The following ZNF234 variants were observed in gnomAD, a reference collection of about 807,000 sequenced individuals.
ZNF234 encodes zinc finger protein 234.
Under a neutral mutation model 10.3 loss-of-function variants are expected in ZNF234, and 4 were observed. The observed-to-expected ratio is 0.39, with a 90% CI of 0.19 to 0.89. The LOEUF (loss-of-function observed/expected upper bound fraction) is 0.89. Among genes scored for constraint, ZNF234 ranks in the 40% least tolerant of loss-of-function variants. The probability of loss-of-function intolerance (pLI) is 0.38; values close to 1 mark genes in which losing one functional copy is unlikely to be tolerated. For missense variants in ZNF234, 711 were observed against 836.1 expected, an observed-to-expected ratio of 0.85 and a Z score of 1.85; for synonymous variants, 258 against 280.1, an observed-to-expected ratio of 0.92 and a Z score of 0.79.
intron 3 of ZNF234, among the ~76,000 whole-genome samples, chr19:44,145,704 C>T (rs1442529583): frequency 6.6e-6 from 1 of 152,208 alleles, no homozygotes; most frequent in Non-Finnish European, 1.5e-5. Flanking sequence ...AGATAGAATA[C>T]TCTAACATGG....
Position 44,145,640 on chromosome 19 carries a change from C to T in ZNF234, c.15+993C>T, listed in dbSNP as rs138290432. Among the ~76,000 whole-genome samples, 594 of 152,330 alleles carry T rather than the reference C, an allele frequency of 3.9e-3. 2 individuals are homozygous for T. The highest frequency in any genetic ancestry group is 0.012 in the Admixed American group (187 of 15,304). On this transcript the variant is annotated intron_variant, in intron 3 of 5. Transcript: ENST00000426739. The stretch of plus-strand genomic sequence containing the variant: ...CTCCTAACCTCAGATGATCCACCTG[C>T]CTTGGCCTCCCAAAGTGCCGGGATT...
At chr19:44,142,703 A>G (rs573661956) in intron 2 of ZNF234, among the ~76,000 whole-genome samples, 1 of 152,322 alleles carries the variant, frequency 6.6e-6, no homozygotes, top group Non-Finnish European at 1.5e-5. Context: ...AGCAAGGCTA[A>G]TTGCCTTGGA....
rs772690261 is a variant in ZNF234, at chr19:44,157,890, A to C, written c.1874A>C (p.Lys625Thr). The C allele has an allele frequency of 3.1e-6, 5 of 1,613,998 alleles. No homozygotes were observed. The change falls in exon 6 of 6, where the codon AAA becomes ACA. Residue 625 changes from lysine to threonine, a missense_variant. Lys to Thr is a moderately conservative substitution (Grantham distance 78). Coordinates refer to ENST00000426739, the MANE Select transcript of ZNF234 (RefSeq NM_006630.3). ...QSVHTGEKPY[K>T]CDVCGKVFSR... is the part of the protein sequence containing the mutation. Reference sequence around the variant, plus strand: ...GTCCACACAGGAGAGAAACCATACAAATGTGATGTATGTGGTAAAGTCTTC... The same window carrying C: ...GTCCACACAGGAGAGAAACCATACACATGTGATGTATGTGGTAAAGTCTTC...
chr19:44,149,007 C>T, intron 4 of ZNF234, 110 bp downstream of exon 4: 1 of 1,307,562 alleles, frequency 7.6e-7, no homozygotes, highest in Non-Finnish European at 1.0e-6. Flanking sequence ...ATTTGTAGAC[C>T]TGACTTTCCT....
In ZNF234 at chr19:44,157,009, T is replaced by G; in HGVS notation, c.993T>G (p.Leu331=). ...AGTGTTTCACTTGTAGCTCAAACCT[T>G]CGTATCCATCAAAGGGTCCACACAG... is the stretch of plus-strand genomic sequence containing the variant. ...CGKCFTCSSN[L]RIHQRVHTGE... is the part of the protein sequence containing the mutation. The change falls in exon 6 of 6, where the codon CTT becomes CTG. Residue 331 remains leucine (L), a synonymous_variant. Transcript: ENST00000426739. The G allele has an allele frequency of 1.2e-6, 2 of 1,614,014 alleles. No individual in the cohort carries two copies. Among genetic ancestry groups the G allele is most frequent in the Non-Finnish European group, 1.7e-6 (2 of 1,179,946 alleles).
At position 44,157,786 on chromosome 19, in the gene ZNF234, C is replaced by G; in HGVS notation, c.1770C>G (p.His590Gln). The change falls in exon 6 of 6, where the codon CAC becomes CAG. Residue 590 changes from histidine to glutamine, a missense_variant. Transcript: ENST00000426739. ...SLNLDMHQRV[H>Q]TGEKPYTCGE... is the part of the protein sequence containing the mutation. ...ACCTTGACATGCATCAGAGGGTGCA[C>G]ACAGGAGAAAAACCCTATACATGTG... is the stretch of plus-strand genomic sequence containing the variant. 2 of 1,613,846 alleles carry G rather than the reference C, an allele frequency of 1.2e-6. No individual in the cohort carries two copies. Among genetic ancestry groups the G allele is most frequent in the Non-Finnish European group, 1.7e-6 (2 of 1,179,882 alleles).
At chr19:44,153,010 AG>A (rs1196915374) in intron 5 of ZNF234, among the ~76,000 whole-genome samples, 3 of 152,098 alleles carry the variant, frequency 2.0e-5, no homozygotes, top group Non-Finnish European at 4.4e-5. Context: ...ATTTTTATAA[AG>A]ACCTGGCTTT....
chr19:44,155,816 G>T (rs1968865294), intron 5 of ZNF234, among the ~76,000 whole-genome samples: 1 of 151,772 alleles, frequency 6.6e-6, no homozygotes, highest in African/African-American at 2.4e-5. Context: ...GCCCAGACTG[G>T]TCTCAAACCC....
intron 5 of ZNF234, among the ~76,000 whole-genome samples, chr19:44,155,299 A>G (rs1358222887): frequency 1.3e-5 from 2 of 152,030 alleles, no homozygotes; most frequent in Non-Finnish European, 2.9e-5. Flanking sequence ...AGGGACACCA[A>G]CTCCCCTCAC....
Position 44,156,406 on chromosome 19 carries a change from G to A in ZNF234, c.390G>A (p.Leu130=). The part of the protein sequence containing the change: ...SISRFPRQGD[L]SCQVRAGLYT... ...CTCGGTTCCCCAGACAAGGTGATTT[G>A]TCCTGCCAGGTTAGGGCAGGACTAT... Residue 130 remains leucine, a synonymous_variant, in exon 6 of 6, where the codon TTG becomes TTA. Transcript: ENST00000426739. 6.2e-7 allele frequency: 1 copy of A among 1,613,598 alleles called. No homozygotes were observed. Among genetic ancestry groups the A allele is most frequent in the Non-Finnish European group, 8.5e-7 (1 of 1,179,752 alleles).
At chr19:44,148,147 A>G (rs1298567367) in intron 3 of ZNF234, among the ~76,000 whole-genome samples, 1 of 152,218 alleles carries the variant, frequency 6.6e-6, no homozygotes, top group Admixed American at 6.5e-5. Context: ...CTGTCATGTA[A>G]GAACTATCAT....
rs376111272 is a variant in ZNF234, at chr19:44,158,132, A to C, written c.*13A>C. On this transcript the variant is annotated 3_prime_UTR_variant, in exon 6 of 6. Coordinates refer to ENST00000426739, the MANE Select transcript of ZNF234 (RefSeq NM_006630.3). The stretch of plus-strand genomic sequence containing the variant: ...TTCTACAAGGTGATTAAAAAAAAAA[A>C]AACAGAACTCATGTACAACCTGAAT... The C allele has an allele frequency of 8.8e-6, 14 of 1,585,528 alleles. No homozygotes were observed. Among genetic ancestry groups the C allele is most frequent in the Non-Finnish European group, 1.2e-5 (14 of 1,173,282 alleles).
intron 3 of ZNF234, among the ~76,000 whole-genome samples, chr19:44,144,931 A>G (rs1213409683): frequency 6.6e-6 from 1 of 152,220 alleles, no homozygotes; most frequent in Non-Finnish European, 1.5e-5. Context: ...CTGACCATAC[A>G]TATTTTCCTT....
rs1174447311 is a variant in ZNF234 at position 44,158,034 on chromosome 19, T to G, written c.2018T>G (p.Ile673Ser). ...WRSNLVSHHKIHAAGTFYEND... is the reference protein window; with the variant it reads ...WRSNLVSHHKSHAAGTFYEND... ...TCAAATCTTGTAAGTCATCACAAAATTCATGCTGCTGGTACATTTTATGAA... is the reference window on the plus strand; with the variant it reads ...TCAAATCTTGTAAGTCATCACAAAAGTCATGCTGCTGGTACATTTTATGAA... Residue 673 changes from isoleucine to serine, a missense_variant, in exon 6 of 6, where the codon ATT becomes AGT. By Grantham distance (142) the Ile-to-Ser change is moderately radical. Transcript: ENST00000426739. The G allele has an allele frequency of 6.2e-7, 1 of 1,613,812 alleles. No homozygotes were observed. Among genetic ancestry groups the G allele is most frequent in the South Asian group, 1.1e-5 (1 of 91,066 alleles).
chr19:44,154,314 T>C (rs1472030414), intron 5 of ZNF234, among the ~76,000 whole-genome samples: 1 of 152,174 alleles, frequency 6.6e-6, no homozygotes, highest in African/African-American at 2.4e-5. Flanking sequence ...TTTTCACTTT[T>C]TTTTTTTTCT....
chr19:44,154,669 G>A (rs1262876864), intron 5 of ZNF234, among the ~76,000 whole-genome samples: 2 of 124,386 alleles, frequency 1.6e-5, no homozygotes, highest in African/African-American at 6.1e-5. Flanking sequence ...GTCTCACTGT[G>A]TCCCTCAGGC....
At chr19:44,143,622 A>C (rs1240007757) in intron 2 of ZNF234, among the ~76,000 whole-genome samples, 1 of 150,620 alleles carries the variant, frequency 6.6e-6, no homozygotes, top group Admixed American at 6.6e-5. Flanking sequence ...AAAAGAAAAA[A>C]AAAAAAAAAA....
At chr19:44,146,126 G>A (rs149414433) in intron 3 of ZNF234, among the ~76,000 whole-genome samples, 25 of 152,284 alleles carry the variant, frequency 1.6e-4, no homozygotes, top group Non-Finnish European at 3.4e-4. Flanking sequence ...TGAATGACCC[G>A]TGGTGTGGGT....
intron 4 of ZNF234, 101 bp from the exon 5 acceptor site, chr19:44,150,312 T>G: frequency 2.6e-6 from 2 of 757,714 alleles, no homozygotes; most frequent in Non-Finnish European, 3.9e-6. Flanking sequence ...AAACACTACT[T>G]TTGATTGATT....
Sources: allele counts gnomAD v4.1 joint callset (sites outside exome capture counted in the v4.1 genomes callset), GRCh38; gene constraint gnomAD v4.1.1; transcripts MANE v1.5; gene names NCBI Gene and HGNC (gene_info 2026-07-23, HGNC 2026-07-21).